HNF1B: variants seen among roughly 807,000 people sequenced by gnomAD.
The protein encoded by HNF1B is hepatocyte nuclear factor 1-beta.
In HNF1B, 8 loss-of-function variants were observed where a neutral mutation model predicts 61.7. The ratio of observed to expected loss-of-function variants is 0.13; its 90% CI spans 0.08 to 0.23. The LOEUF is 0.23. Among genes scored for constraint, HNF1B ranks in the 10% least tolerant of loss-of-function variants. The pLI is 1.00. For synonymous variants in HNF1B, 314 were observed against 287.7 expected (o/e 1.09, Z -0.93); for missense variants, 562 against 714.5 (o/e 0.79, Z 2.43).
chr17:37,744,832 C>A lies in HNF1B; in HGVS notation c.53G>T (p.Ser18Ile). The change falls in exon 1 of 9, where the codon AGC becomes ATC. Residue 18 changes from serine (S) to isoleucine (I), a missense_variant. This residue lies in a region of HNF1B where 148 missense variants were observed against 147.3 expected (regional missense o/e 1.00). Coordinates refer to ENST00000617811, the MANE Select transcript of HNF1B (RefSeq NM_000458.4). ...CAGCACCTCCTTGGTGACCCCGGAG[C>A]TCAGCAGGGCGCTCAGGAGTTCTTG... ...LQQELLSALL[S>I]SGVTKEVLVQ... The A allele has an allele frequency of 6.2e-7, 1 of 1,613,070 alleles. No homozygotes were observed. The highest frequency in any genetic ancestry group is 8.5e-7 in the Non-Finnish European group (1 of 1,179,962).
chr17:37,731,048 G>A (rs565635550), intron 4 of HNF1B: 158 of 179,712 alleles, frequency 8.8e-4, no homozygotes, highest in African/African-American at 3.3e-3. Flanking sequence ...AAGATTTCAA[G>A]TGACTGACCC....
chr17:37,719,824 C>T (rs1291621455), intron 4 of HNF1B, among the ~76,000 whole-genome samples: 1 of 152,194 alleles, frequency 6.6e-6, no homozygotes, highest in Non-Finnish European at 1.5e-5. Flanking sequence ...TCCACCACAG[C>T]CTATTCATAA....
intron 2 of HNF1B, among the ~76,000 whole-genome samples, chr17:37,736,080 T>C (rs893397028): frequency 2.6e-5 from 4 of 152,270 alleles, no homozygotes; most frequent in Admixed American, 6.5e-5. Flanking sequence ...ATTATACTTT[T>C]CAAAGTGCTT....
intron 2 of HNF1B, among the ~76,000 whole-genome samples, chr17:37,737,992 C>T (rs111456138): frequency 0.017 from 2,520 of 152,332 alleles, 33 homozygotes; most frequent in Middle Eastern, 0.034. Flanking sequence ...CCTTTCCTGC[C>T]TCCTTCTCCT....
chr17:37,707,955 A>G (rs575781821), intron 5 of HNF1B, among the ~76,000 whole-genome samples: 1 of 152,296 alleles, frequency 6.6e-6, no homozygotes, highest in East Asian at 1.9e-4. Context: ...CGTCCTACTG[A>G]AAGTCAGCAT....
At chr17:37,717,622 C>T (rs1401953990) in intron 4 of HNF1B, among the ~76,000 whole-genome samples, 3 of 152,188 alleles carry the variant, frequency 2.0e-5, no homozygotes, top group Non-Finnish European at 2.9e-5. Context: ...GTCCTGATAA[C>T]TCTACCTTCT....
chr17:37,704,614 T>G (rs564454171), intron 6 of HNF1B, among the ~76,000 whole-genome samples: 1 of 152,214 alleles, frequency 6.6e-6, no homozygotes, highest in Admixed American at 6.5e-5. Flanking sequence ...AGTTGATCAC[T>G]TTAACAACCT....
chr17:37,724,926 G>GTA (rs1188176052), intron 4 of HNF1B, among the ~76,000 whole-genome samples: 4 of 138,298 alleles, frequency 2.9e-5, no homozygotes, highest in African/African-American at 1.1e-4. Context: ...GTGTGTGTGT[G>GTA]TGTGTGTGTG....
rs186690974 is a variant in HNF1B, at chr17:37,705,135, T to C, written c.1207-86A>G. 958 of 1,332,324 alleles carry C rather than the reference T, an allele frequency of 7.2e-4. 2 individuals carry two copies. The highest frequency in any genetic ancestry group is 5.4e-3 in the Middle Eastern group (26 of 4,784). 82.5% of individuals were successfully genotyped at this position (1,332,324 alleles called of 1,614,324 possible). A position where few individuals can be genotyped will look rare whatever the true frequency, so the allele number is the denominator to read the frequency against. On this transcript the variant is annotated intron_variant, in intron 5 of 8. Coordinates refer to ENST00000617811, the MANE Select transcript of HNF1B (RefSeq NM_000458.4). ...CAACACGATGTGACTTAGCGATTCC[T>C]TGGCATGACTAGTTCTCAAATTCAT...
At chr17:37,715,296 T>G (rs538374756) in intron 4 of HNF1B, among the ~76,000 whole-genome samples, 1 of 152,334 alleles carries the variant, frequency 6.6e-6, no homozygotes, top group Admixed American at 6.5e-5. Context: ...TGCCTGGTAC[T>G]GTGCATATTT....
chr17:37,736,284 G>A (rs914898914), intron 2 of HNF1B, among the ~76,000 whole-genome samples: 5 of 152,196 alleles, frequency 3.3e-5, no homozygotes, highest in East Asian at 1.9e-4. Context: ...CCAAGGGCCT[G>A]GGAGCAATGT....
rs145341791 is a variant in HNF1B, at chr17:37,740,530, T to C, written c.345-891A>G. 4.6e-5 allele frequency among the ~76,000 whole-genome samples: 7 copies of C among 152,306 alleles called. No individual in the cohort carries two copies. The East Asian group carries it at 1.3e-3, about 29-fold the overall frequency. ...CTTCTAAGAAGCAAGGAGGATGTCT[T>C]AGCCAAATAGTAAATAATTTTCAGA... On this transcript the variant is annotated intron_variant, in intron 1 of 8. Coordinates refer to ENST00000617811, the MANE Select transcript of HNF1B (RefSeq NM_000458.4).
Position 37,701,071 on chromosome 17 carries a change from G to A in HNF1B, c.1446C>T (p.His482=). 2 of 1,554,364 alleles carry A rather than the reference G, an allele frequency of 1.3e-6. No homozygotes were observed. The highest frequency in any genetic ancestry group is 1.7e-6 in the Non-Finnish European group (2 of 1,148,674). The change falls in exon 7 of 9, where the codon CAC becomes CAT. Residue 482 remains histidine (H), a synonymous_variant. Coordinates refer to ENST00000617811, the MANE Select transcript of HNF1B (RefSeq NM_000458.4). ...GGCTCTGCTGCATGAGGGGCTGCTG[G>A]TGAGGGCTGTGCAGCTGCTGGGAGA... is the stretch of plus-strand genomic sequence containing the variant. ...VQFSQQLHSP[H]QQPLMQQSPG...
chr17:37,716,033 C>A (rs2033098103), intron 4 of HNF1B, among the ~76,000 whole-genome samples: 1 of 151,988 alleles, frequency 6.6e-6, no homozygotes. Context: ...GGTGTAATCC[C>A]CACTACTCAG....
At chr17:37,724,903 CGTGTGTGTGTGTGT>C (rs34210303) in intron 4 of HNF1B, among the ~76,000 whole-genome samples, 4 of 145,316 alleles carry the variant, frequency 2.8e-5, no homozygotes, top group Non-Finnish European at 6.0e-5. Context: ...TATATGTATG[CGTGTGTGTGTGTGT>C]GTGTGTGTGT....
At chr17:37,727,615 T>C (rs2033542542) in intron 4 of HNF1B, among the ~76,000 whole-genome samples, 1 of 152,188 alleles carries the variant, frequency 6.6e-6, no homozygotes, top group South Asian at 2.1e-4. Flanking sequence ...TGACAGTGTG[T>C]TTGTAGGGCA....
At position 37,745,027 on chromosome 17, in the gene HNF1B, G is replaced by A. The variant is rs2034134366; in HGVS notation, c.-143C>T. On this transcript the variant is annotated 5_prime_UTR_variant, in exon 1 of 9. Coordinates refer to ENST00000617811, the MANE Select transcript of HNF1B (RefSeq NM_000458.4). Reference sequence around the variant, plus strand: ...GACACCTGTTACTCCCCGGGGTCCCGGAGGCTCCTCCGAAAGGAGTCAGAA... The same window carrying A: ...GACACCTGTTACTCCCCGGGGTCCCAGAGGCTCCTCCGAAAGGAGTCAGAA... The A allele has an allele frequency of 1.4e-6, 1 of 697,194 alleles. No individual in the cohort carries two copies. The highest frequency in any genetic ancestry group is 2.4e-6 in the Non-Finnish European group (1 of 411,616). 43.2% of individuals were successfully genotyped at this position (697,194 alleles called of 1,614,324 possible).
chr17:37,694,340 C>T (rs887528060), intron 8 of HNF1B, among the ~76,000 whole-genome samples: 8 of 148,176 alleles, frequency 5.4e-5, no homozygotes, highest in Admixed American at 1.4e-4. Context: ...GAGGCAGAAT[C>T]GCTTGAACCT....
intron 2 of HNF1B, among the ~76,000 whole-genome samples, chr17:37,735,784 G>A (rs888642075): frequency 6.6e-6 from 1 of 152,004 alleles, no homozygotes; most frequent in African/African-American, 2.4e-5. Flanking sequence ...TTTCAAACAA[G>A]GTCTTGCTCT....
Sources: allele counts gnomAD v4.1 joint callset (sites outside exome capture counted in the v4.1 genomes callset), GRCh38; gene constraint gnomAD v4.1.1; regional missense constraint gnomAD v4.1.1; transcripts MANE v1.5; gene names NCBI Gene and HGNC (gene_info 2026-07-23, HGNC 2026-07-21).